The following RTTN variants were observed in gnomAD, a reference collection of about 807,000 sequenced individuals.
RTTN encodes the protein rotatin.
In RTTN, 182 loss-of-function variants were observed where a neutral mutation model predicts 269.2. The ratio of observed to expected loss-of-function variants is 0.68; its 90% confidence interval spans 0.60 to 0.76. The LOEUF (loss-of-function observed/expected upper bound fraction) is 0.76. RTTN is among the 30% of genes least tolerant of loss of function. The pLI is 0.00. For synonymous variants in RTTN, 1,006 were observed against 963.5 expected (o/e 1.04, Z -0.82); for missense variants, 2,545 against 2,608.6 (o/e 0.98, Z 0.53).
chr18:70,140,263 A>T (rs528918538), intron 19 of RTTN, 75 bp from the exon 20 acceptor site: 144 of 786,848 alleles, frequency 1.8e-4, no homozygotes, highest in Non-Finnish European at 2.8e-4. Context: ...AAATACTCAG[A>T]ACTGATATCC....
At chr18:70,071,537 C>T (rs369793705) in intron 34 of RTTN, among the ~76,000 whole-genome samples, 16 of 152,236 alleles carry the variant, frequency 1.1e-4, no homozygotes, top group African/African-American at 2.6e-4. Context: ...AGAAGAAAAA[C>T]ACCACCTAAT....
chr18:70,008,928 C>T (rs1396106551), intron 46 of RTTN: 2 of 152,060 alleles, frequency 1.3e-5, no homozygotes, highest in African/African-American at 2.4e-5. Context: ...CAAAGATACT[C>T]CTCGAGAAGA....
chr18:70,096,399 C>T lies in RTTN; in HGVS notation c.3904-3595G>A, dbSNP rs115367737. Reference sequence around the variant, plus strand: ...AGGCATTCTGGTTTTTGGAACTTTCCGCATTTTTGCACTGGGTTTTCCTCA... The same window carrying T: ...AGGCATTCTGGTTTTTGGAACTTTCTGCATTTTTGCACTGGGTTTTCCTCA... On this transcript the variant is annotated intron_variant, in intron 28 of 48. Transcript: ENST00000640769. Among the ~76,000 whole-genome samples, 413 of 152,272 alleles carry T rather than the reference C, an allele frequency of 2.7e-3. 1 individual carries two copies. The highest frequency in any genetic ancestry group is 8.4e-3 in the African/African-American group (350 of 41,554).
intron 21 of RTTN, among the ~76,000 whole-genome samples, chr18:70,137,027 T>C (rs2060140450): frequency 6.6e-6 from 1 of 151,992 alleles, no homozygotes; most frequent in South Asian, 2.1e-4. Flanking sequence ...ACTACATGTG[T>C]ATGTAGAAAA....
chr18:70,004,319 C>T (rs2056113631), intron 48 of RTTN, 83 bp from the exon 49 acceptor site: 1 of 813,090 alleles, frequency 1.2e-6, no homozygotes, highest in Admixed American at 2.0e-5. Flanking sequence ...TAAACAAATA[C>T]ATATGAACAG....
Position 70,024,685 on chromosome 18 carries a change from T to G in RTTN, c.5950+37A>C, listed in dbSNP as rs73970818. 5.6e-3 allele frequency: 8,666 copies of G among 1,545,308 alleles called. 379 individuals carry two copies. In the African/African-American group the frequency reaches 0.096, roughly 17 times the overall value. On this transcript the variant is annotated intron_variant, in intron 44 of 48. Transcript: ENST00000640769. The stretch of plus-strand genomic sequence containing the variant: ...AACAACATTTATAAAACTAGTATTT[T>G]GGTATATTATTGAAAGGCAGTATTG...
chr18:70,026,250 C>T (rs558864352), intron 43 of RTTN, among the ~76,000 whole-genome samples: 1 of 152,302 alleles, frequency 6.6e-6, no homozygotes, highest in East Asian at 1.9e-4. Flanking sequence ...TATCCTGGAT[C>T]ATTTCTGATA....
rs1487882577 is a variant in RTTN at position 70,188,342 on chromosome 18, T to C, written c.1190-119A>G. On this transcript the variant is annotated intron_variant, in intron 9 of 48. Transcript: ENST00000640769. ...CATGCTCCAACATTTTCTCTTTTTT[T>C]CTAATGTTCTTAGAACTGTAGAGAA... 1.6e-5 allele frequency: 10 copies of C among 629,052 alleles called. No individual in the cohort carries two copies. The South Asian group carries it at 1.8e-4, about 11-fold the overall frequency. The allele number at this position is 629,052 out of a possible 1,614,324, so 39.0% of individuals were successfully genotyped here.
At chr18:70,116,354 A>G (rs533926184) in intron 26 of RTTN, among the ~76,000 whole-genome samples, 7 of 152,194 alleles carry the variant, frequency 4.6e-5, no homozygotes, top group African/African-American at 1.7e-4. Context: ...GTATACCTAA[A>G]AATTAAGATT....
Position 70,190,518 on chromosome 18 carries a change from C to T in RTTN, c.1189+20G>A, listed in dbSNP as rs760176959. The T allele has an allele frequency of 1.3e-5, 20 of 1,562,360 alleles. No homozygotes were observed. The highest frequency in any genetic ancestry group is 2.3e-5 in the South Asian group (2 of 87,168). ...ACAGACACAAATTATATCAGAATTA[C>T]GATTTCTAAAACAACTAACCTGTTC... On this transcript the variant is annotated intron_variant, in intron 9 of 48. Transcript: ENST00000640769.
intron 43 of RTTN, among the ~76,000 whole-genome samples, chr18:70,027,928 CAAGT>C (rs540140641): frequency 2.7e-4 from 41 of 152,006 alleles, no homozygotes; most frequent in Non-Finnish European, 4.9e-4. Context: ...GCTCTTACCA[CAAGT>C]AAGAGCAAAA....
At chr18:70,176,606 G>C (rs2061307691) in intron 11 of RTTN, 69 bp downstream of exon 11, 1 of 1,396,358 alleles carries the variant, frequency 7.2e-7, no homozygotes, top group South Asian at 1.8e-5. Context: ...AAGAGCAGAA[G>C]AAATTTACAA....
intron 3 of RTTN, among the ~76,000 whole-genome samples, chr18:70,203,473 C>T (rs180760602): frequency 6.6e-6 from 1 of 152,306 alleles, no homozygotes; most frequent in African/African-American, 2.4e-5. Context: ...GGATTACAGG[C>T]GTGAGCCACC....
At chr18:70,077,441 C>G (rs1200044268) in intron 32 of RTTN, among the ~76,000 whole-genome samples, 1 of 151,930 alleles carries the variant, frequency 6.6e-6, no homozygotes, top group Non-Finnish European at 1.5e-5. Flanking sequence ...TCAAGGCCTA[C>G]TGAGGCTGAT....
chr18:70,201,829 C>A (rs759068062), intron 4 of RTTN, 65 bp downstream of exon 4: 2 of 972,422 alleles, frequency 2.1e-6, no homozygotes, highest in African/African-American at 1.7e-5. Context: ...TTCACAATAA[C>A]GAAAAAAGTA....
intron 4 of RTTN, among the ~76,000 whole-genome samples, chr18:70,200,646 A>G (rs1227594705): frequency 6.6e-6 from 1 of 152,246 alleles, no homozygotes; most frequent in Non-Finnish European, 1.5e-5. Flanking sequence ...AAGCTTTTTA[A>G]TAACAGAGGC....
chr18:70,021,012 A>G, intron 44 of RTTN, 195 bp from the exon 45 acceptor site: 2 of 470,360 alleles, frequency 4.3e-6, no homozygotes, highest in Non-Finnish European at 3.8e-6. Context: ...GGGCCTAATT[A>G]TCTCACTAAA....
chr18:70,081,059 G>A (rs1265930911), intron 32 of RTTN, among the ~76,000 whole-genome samples: 1 of 151,778 alleles, frequency 6.6e-6, no homozygotes, highest in Non-Finnish European at 1.5e-5. Flanking sequence ...TATTCTAAGT[G>A]AAGTAAGTCA....
intron 18 of RTTN, among the ~76,000 whole-genome samples, chr18:70,142,862 T>C (rs2060293291): frequency 6.6e-6 from 1 of 152,092 alleles, no homozygotes; most frequent in Non-Finnish European, 1.5e-5. Flanking sequence ...CCATCTCTAC[T>C]AAAAATACAA....
Sources: gnomAD v4.1 joint callset for allele counts (sites outside exome capture counted in the v4.1 genomes callset) on GRCh38, gnomAD v4.1.1 for gene constraint, MANE v1.5 for transcripts, NCBI Gene and HGNC (gene_info 2026-07-23, HGNC 2026-07-21) for gene names.